Variants in MAP3K3 observed in about 807,000 individuals in gnomAD.
MAP3K3 encodes MAP/ERK kinase kinase 3.
MAP3K3 carries 12 observed loss-of-function variants against 80.9 expected under a neutral mutation model. The observed-to-expected ratio is 0.15, with a 90% CI of 0.10 to 0.24. The LOEUF is 0.24. MAP3K3 is among the 10% of genes least tolerant of loss of function. The pLI is 1.00. For missense variants in MAP3K3, 596 were observed against 834.7 expected (o/e 0.71, Z 3.52); for synonymous variants, 272 against 307.1 (o/e 0.89, Z 1.19).
intron 6 of MAP3K3, among the ~76,000 whole-genome samples, chr17:63,678,197 C>T (rs1598109045): frequency 6.6e-6 from 1 of 152,046 alleles, no homozygotes; most frequent in African/African-American, 2.4e-5. Context: ...TGATAATGCA[C>T]CACCACTGCA....
intron 4 of MAP3K3, among the ~76,000 whole-genome samples, chr17:63,653,710 A>C (rs2034705335): frequency 6.6e-6 from 1 of 152,122 alleles, no homozygotes; most frequent in African/African-American, 2.4e-5. Flanking sequence ...AGATCTAAGA[A>C]TCCCAAATGA....
intron 12 of MAP3K3, 139 bp downstream of exon 12, chr17:63,690,551 T>C (rs2035564282): frequency 1.1e-6 from 1 of 922,610 alleles, no homozygotes; most frequent in African/African-American, 1.7e-5. Context: ...TCCATCCTGG[T>C]CCCAGCCACA....
chr17:63,669,788 G>T (rs988029352), intron 6 of MAP3K3, among the ~76,000 whole-genome samples: 1 of 151,936 alleles, frequency 6.6e-6, no homozygotes, highest in African/African-American at 2.4e-5. Flanking sequence ...ATCATACTAC[G>T]TTTTTGTTCA....
intron 5 of MAP3K3, among the ~76,000 whole-genome samples, chr17:63,666,696 C>T (rs1180866745): frequency 1.3e-5 from 2 of 152,192 alleles, no homozygotes; most frequent in African/African-American, 4.8e-5. Flanking sequence ...GGATCATCAC[C>T]TGTTAAACTG....
chr17:63,632,925 C>A, intron 2 of MAP3K3, 123 bp downstream of exon 2: 1 of 1,301,538 alleles, frequency 7.7e-7, no homozygotes, highest in Non-Finnish European at 1.1e-6. Flanking sequence ...CTTCCTTTCA[C>A]AGTCTGTTAA....
At chr17:63,626,413 T>C (rs1042159504) in intron 1 of MAP3K3, among the ~76,000 whole-genome samples, 8 of 152,214 alleles carry the variant, frequency 5.3e-5, no homozygotes, top group African/African-American at 1.9e-4. Context: ...AATTCTATAG[T>C]CTCCAGTCCT....
chr17:63,659,285 A>C (rs941592942), intron 5 of MAP3K3, among the ~76,000 whole-genome samples: 1 of 152,338 alleles, frequency 6.6e-6, no homozygotes, highest in South Asian at 2.1e-4. Flanking sequence ...TGGGACACAG[A>C]AACTGCTCCT....
intron 6 of MAP3K3, among the ~76,000 whole-genome samples, chr17:63,677,487 G>A (rs1326595330): frequency 6.6e-6 from 1 of 152,156 alleles, no homozygotes; most frequent in Non-Finnish European, 1.5e-5. Context: ...TTTTTTTACA[G>A]TTGCACTGGA....
At chr17:63,645,963 G>T in intron 2 of MAP3K3, 71 bp from the exon 3 acceptor site, 1 of 1,265,910 alleles carries the variant, frequency 7.9e-7, no homozygotes, top group Non-Finnish European at 1.2e-6. Context: ...ACTGCCCAAG[G>T]CTTACTTGGC....
intron 2 of MAP3K3, among the ~76,000 whole-genome samples, chr17:63,634,240 G>A (rs1568123573): frequency 6.6e-6 from 1 of 152,160 alleles, no homozygotes; most frequent in African/African-American, 2.4e-5. Context: ...CCCCTTGCTT[G>A]AGCCTAATGA....
chr17:63,649,674 C>A (rs1799350318), intron 3 of MAP3K3, among the ~76,000 whole-genome samples: 1 of 152,176 alleles, frequency 6.6e-6, no homozygotes, highest in African/African-American at 2.4e-5. Context: ...TTCCAGAGTT[C>A]TGGGATTATA....
chr17:63,664,288 T>C lies in MAP3K3; in HGVS notation c.382-2652T>C, dbSNP rs1174040341. Among the ~76,000 whole-genome samples the C allele has an allele frequency of 2.0e-5, 3 of 150,356 alleles. No individual in the cohort carries two copies. The East Asian group carries it at 5.8e-4, about 29-fold the overall frequency. ...AAAAAAAAGGGCTTTAATAAATTCATGGATGGTAAAGCTGTAAATTTAATT... is the reference window on the plus strand; with the variant it reads ...AAAAAAAAGGGCTTTAATAAATTCACGGATGGTAAAGCTGTAAATTTAATT... On this transcript the variant is annotated intron_variant, in intron 5 of 15. Transcript: ENST00000361733.
intron 1 of MAP3K3, among the ~76,000 whole-genome samples, chr17:63,627,683 C>A (rs1455544813): frequency 6.6e-6 from 1 of 152,060 alleles, no homozygotes; most frequent in African/African-American, 2.4e-5. Flanking sequence ...TGCAGCTGAT[C>A]CACCCTCCTC....
At chr17:63,673,362 A>G (rs1004406033) in intron 6 of MAP3K3, among the ~76,000 whole-genome samples, 4 of 152,064 alleles carry the variant, frequency 2.6e-5, no homozygotes, top group Non-Finnish European at 5.9e-5. Flanking sequence ...TTTTCAGGCC[A>G]TTTAGTCTGT....
chr17:63,694,908 C>CGA lies in MAP3K3; in HGVS notation c.*1131_*1132insGA, dbSNP rs1568159573. ...TCAGCCCCTTTCCCTTGTAGCTCCTCCCCTGGAGGGGGAATGGCAGCAGGG... is the reference window on the plus strand; with the variant it reads ...TCAGCCCCTTTCCCTTGTAGCTCCTCGACCCTGGAGGGGGAATGGCAGCAGGG... On this transcript the variant is annotated 3_prime_UTR_variant, in exon 16 of 16. Transcript: ENST00000361733. 1 of 153,814 alleles carries CGA rather than the reference C, an allele frequency of 6.5e-6. No homozygotes were observed. The highest frequency in any genetic ancestry group is 1.4e-5 in the Non-Finnish European group (1 of 68,994). The allele number at this position is 153,814 out of a possible 1,614,324, so 9.5% of individuals were successfully genotyped here.
intron 6 of MAP3K3, among the ~76,000 whole-genome samples, chr17:63,671,787 G>T (rs1287545908): frequency 2.6e-5 from 4 of 152,138 alleles, no homozygotes; most frequent in Non-Finnish European, 4.4e-5. Context: ...GTAAATATCA[G>T]TTGATATATC....
At chr17:63,632,889 T>G (rs1598061602) in intron 2 of MAP3K3, 87 bp downstream of exon 2, 1 of 1,549,968 alleles carries the variant, frequency 6.5e-7, no homozygotes, top group South Asian at 1.2e-5. Flanking sequence ...GGAGACTACA[T>G]TACCAGGGTT....
chr17:63,645,810 C>CT (rs1387524463), intron 2 of MAP3K3, among the ~76,000 whole-genome samples: 2 of 152,314 alleles, frequency 1.3e-5, no homozygotes, highest in African/African-American at 4.8e-5. Context: ...GGGCAGCCAC[C>CT]TAGGGATCTT....
At chr17:63,646,182 G>A in intron 3 of MAP3K3, 108 bp downstream of exon 3, 6 of 979,708 alleles carry the variant, frequency 6.1e-6, no homozygotes, top group Non-Finnish European at 9.7e-6. Context: ...GGGGCCACTG[G>A]CTGGGTAATA....
Sources: allele counts gnomAD v4.1 joint callset (sites outside exome capture counted in the v4.1 genomes callset), GRCh38; gene constraint gnomAD v4.1.1; transcripts MANE v1.5; gene names NCBI Gene and HGNC (gene_info 2026-07-23, HGNC 2026-07-21).